Variants in ANKRD31 observed in about 807,000 individuals in gnomAD.
The protein encoded by ANKRD31 is ankyrin repeat domain 31, also known as ankyrin repeat domain-containing protein 31.
Under a neutral mutation model 186.0 loss-of-function variants are expected in ANKRD31, and 147 were observed. That is an observed-to-expected ratio of 0.79 (90% confidence interval 0.69 to 0.91). The LOEUF (loss-of-function observed/expected upper bound fraction) is 0.91. Ranked by LOEUF, ANKRD31 falls within the 40% of genes least tolerant of loss-of-function variation. ANKRD31 has a pLI of 0.00. For synonymous variants in ANKRD31, 673 were observed against 736.4 expected (o/e 0.91, Z 1.39); for missense variants, 1,986 against 2,148.8 (o/e 0.92, Z 1.50).
intron 20 of ANKRD31, among the ~76,000 whole-genome samples, chr5:75,110,181 A>G (rs985662071): frequency 2.0e-5 from 3 of 152,204 alleles, no homozygotes; most frequent in Non-Finnish European, 2.9e-5. Flanking sequence ...TTCTGATTTT[A>G]GAGGCATTCA....
At chr5:75,120,402 G>C in intron 17 of ANKRD31, among the ~76,000 whole-genome samples, 1 of 152,054 alleles carries the variant, frequency 6.6e-6, no homozygotes. Flanking sequence ...AAGTCAATTA[G>C]TGAAAAACAA....
chr5:75,105,422 G>A (rs887905785), intron 21 of ANKRD31, among the ~76,000 whole-genome samples: 2 of 152,086 alleles, frequency 1.3e-5, no homozygotes, highest in African/African-American at 4.8e-5. Flanking sequence ...TTGAGAGGAA[G>A]CTGATTCCTT....
At chr5:75,115,595 A>G (rs9687743) in intron 19 of ANKRD31, among the ~76,000 whole-genome samples, 6,730 of 150,900 alleles carry the variant, frequency 0.045, 312 homozygotes, top group African/African-American at 0.12. Context: ...AAAAGTGGGC[A>G]AAGGACATGA....
chr5:75,150,452 A>G (rs1751765022), intron 12 of ANKRD31, among the ~76,000 whole-genome samples: 1 of 151,970 alleles, frequency 6.6e-6, no homozygotes, highest in African/African-American at 2.4e-5. Flanking sequence ...TAAGTAACCT[A>G]ATTTTGCATT....
chr5:75,115,487 G>GA (rs1389278904), intron 19 of ANKRD31, among the ~76,000 whole-genome samples: 2 of 151,010 alleles, frequency 1.3e-5, no homozygotes, highest in Non-Finnish European at 3.0e-5. Flanking sequence ...CAAAATGGGA[G>GA]AAAATTTTTG....
chr5:75,222,116 G>C, intron 3 of ANKRD31, 133 bp downstream of exon 3: 1 of 581,714 alleles, frequency 1.7e-6, no homozygotes, highest in Non-Finnish European at 2.9e-6. Context: ...AGTTAAGAAA[G>C]AGGTAAAAAT....
At chr5:75,209,717 T>C (rs1224226287) in intron 4 of ANKRD31, among the ~76,000 whole-genome samples, 1 of 152,130 alleles carries the variant, frequency 6.6e-6, no homozygotes, top group Non-Finnish European at 1.5e-5. Context: ...TGCACAGAAA[T>C]GCTTTAAGCA....
intron 3 of ANKRD31, among the ~76,000 whole-genome samples, chr5:75,221,006 G>C (rs1345677754): frequency 4.6e-5 from 7 of 152,142 alleles, no homozygotes; most frequent in African/African-American, 1.7e-4. Flanking sequence ...AAAAGAATGA[G>C]ATCATGTCCT....
chr5:75,134,340 C>T (rs4510119), intron 17 of ANKRD31, among the ~76,000 whole-genome samples: 4 of 151,982 alleles, frequency 2.6e-5, no homozygotes, highest in Non-Finnish European at 5.9e-5. Context: ...ATATCACCAC[C>T]GATTCCACAG....
At chr5:75,126,085 G>A (rs1043920031) in intron 17 of ANKRD31, among the ~76,000 whole-genome samples, 7 of 152,152 alleles carry the variant, frequency 4.6e-5, no homozygotes, top group African/African-American at 1.2e-4. Flanking sequence ...ACATGAATGA[G>A]CTCAGAATGC....
chr5:75,225,796 G>C (rs943820431), intron 2 of ANKRD31: 1 of 157,124 alleles, frequency 6.4e-6, no homozygotes, highest in African/African-American at 2.4e-5. Flanking sequence ...AAAAGTAAAG[G>C]GGACTTTGTC....
chr5:75,103,352 G>C (rs916311611), intron 22 of ANKRD31, among the ~76,000 whole-genome samples: 4 of 152,190 alleles, frequency 2.6e-5, no homozygotes, highest in African/African-American at 9.7e-5. Flanking sequence ...AGAAACAACT[G>C]ATGCTGGCGA....
rs1753134057 is a variant in ANKRD31, at chr5:75,169,097, C to G, written c.1589G>C (p.Ser530Thr). 6.5e-7 allele frequency: 1 copy of G among 1,537,042 alleles called. No homozygotes were observed. ...YAGWTALHEA[S>T]VGGFYRTASE... ...TGCTGTCCGATAAAATCCTCCTACA[C>G]TAGCTTCATGAAGTGCTGTCCAACC... The change falls in exon 11 of 26, where the codon AGT becomes ACT. Residue 530 changes from serine (S) to threonine (T), a missense_variant. Physicochemically the swap from Ser to Thr is moderately conservative, Grantham distance 58. Coordinates refer to ENST00000506364, the MANE Select transcript of ANKRD31 (RefSeq NM_001372053.1).
At chr5:75,150,631 T>C (rs1366144331) in intron 12 of ANKRD31, among the ~76,000 whole-genome samples, 1 of 151,928 alleles carries the variant, frequency 6.6e-6, no homozygotes, top group Non-Finnish European at 1.5e-5. Context: ...TTCCTTTACA[T>C]GAAAGAAATT....
At chr5:75,153,978 G>A (rs1467470505) in intron 12 of ANKRD31, among the ~76,000 whole-genome samples, 2 of 152,058 alleles carry the variant, frequency 1.3e-5, no homozygotes, top group African/African-American at 2.4e-5. Context: ...TCTTTGCAAT[G>A]TACAACCTGC....
chr5:75,151,095 T>G (rs1012036441), intron 12 of ANKRD31, among the ~76,000 whole-genome samples: 1 of 152,042 alleles, frequency 6.6e-6, no homozygotes, highest in Non-Finnish European at 1.5e-5. Flanking sequence ...TTCTTGTCAA[T>G]AGCATTCAGA....
At chr5:75,161,020 A>G (rs1364361884) in intron 11 of ANKRD31, among the ~76,000 whole-genome samples, 5 of 152,158 alleles carry the variant, frequency 3.3e-5, no homozygotes, top group Admixed American at 2.6e-4. Context: ...TCAACAGTGT[A>G]AAAACAAACT....
intron 23 of ANKRD31, among the ~76,000 whole-genome samples, chr5:75,086,472 T>C (rs1745489682): frequency 6.6e-6 from 1 of 152,214 alleles, no homozygotes; most frequent in Non-Finnish European, 1.5e-5. Context: ...CTGAACTAAA[T>C]TTCTCTGGAT....
chr5:75,109,840 T>A (rs1256447260), intron 20 of ANKRD31, among the ~76,000 whole-genome samples: 2 of 151,054 alleles, frequency 1.3e-5, no homozygotes, highest in African/African-American at 4.9e-5. Flanking sequence ...AAAAAAAAAA[T>A]AGAAGCTGAG....
Sources: allele counts gnomAD v4.1 joint callset (sites outside exome capture counted in the v4.1 genomes callset), GRCh38; gene constraint gnomAD v4.1.1; transcripts MANE v1.5; gene names NCBI Gene and HGNC (gene_info 2026-07-23, HGNC 2026-07-21).